C12orf56: variants seen among roughly 807,000 people sequenced by gnomAD.
C12orf56 encodes the protein uncharacterized protein C12orf56.
C12orf56 carries 71 observed loss-of-function variants against 69.9 expected under a neutral mutation model. The observed-to-expected ratio is 1.02, with a 90% CI of 0.84 to 1.24. The LOEUF (loss-of-function observed/expected upper bound fraction) is 1.24. Among genes scored for constraint, C12orf56 ranks in the 50% most tolerant of loss-of-function variants. The pLI, the probability that C12orf56 is intolerant of heterozygous loss-of-function variation, is 0.00. For synonymous variants in C12orf56, 276 were observed against 274.1 expected (o/e 1.01, Z -0.07); for missense variants, 732 against 738.5 (o/e 0.99, Z 0.10).
chr12:64,324,163 C>T (rs1234973356), intron 3 of C12orf56, among the ~76,000 whole-genome samples: 1 of 152,154 alleles, frequency 6.6e-6, no homozygotes, highest in African/African-American at 2.4e-5. Context: ...GCAAGCCAGG[C>T]TAGGTTGTAA....
intron 1 of C12orf56, among the ~76,000 whole-genome samples, chr12:64,363,071 A>C (rs2039419173): frequency 6.6e-6 from 1 of 152,124 alleles, no homozygotes; most frequent in Non-Finnish European, 1.5e-5. Context: ...TCATGCTGTG[A>C]CTTAGAATGC....
At chr12:64,295,794 A>G (rs2038357254) in intron 6 of C12orf56, among the ~76,000 whole-genome samples, 1 of 150,982 alleles carries the variant, frequency 6.6e-6, no homozygotes, top group Admixed American at 6.6e-5. Flanking sequence ...GAGGGAGAAA[A>G]CTATATATAA....
chr12:64,367,326 TA>T (rs2039509970), intron 1 of C12orf56, among the ~76,000 whole-genome samples: 1 of 137,340 alleles, frequency 7.3e-6, no homozygotes, highest in Non-Finnish European at 1.5e-5. Context: ...ATAGCTTATA[TA>T]ATATACAGTT....
At chr12:64,350,562 A>T (rs2039209055) in intron 2 of C12orf56, among the ~76,000 whole-genome samples, 1 of 152,218 alleles carries the variant, frequency 6.6e-6, no homozygotes, top group African/African-American at 2.4e-5. Flanking sequence ...CTGGCCTGAT[A>T]CATTGTCTAT....
intron 1 of C12orf56, among the ~76,000 whole-genome samples, chr12:64,384,758 T>G (rs1220368641): frequency 2.6e-5 from 4 of 152,086 alleles, no homozygotes; most frequent in Non-Finnish European, 5.9e-5. Context: ...GTTCTCACAC[T>G]TAAAAATGTA....
chr12:64,334,301 C>T (rs1217606493), intron 2 of C12orf56, among the ~76,000 whole-genome samples: 1 of 152,148 alleles, frequency 6.6e-6, no homozygotes, highest in African/African-American at 2.4e-5. Flanking sequence ...TGCCCCACAT[C>T]ATTGGTTTTA....
chr12:64,280,200 A>G (rs1256674683), intron 8 of C12orf56, among the ~76,000 whole-genome samples: 1 of 152,194 alleles, frequency 6.6e-6, no homozygotes, highest in African/African-American at 2.4e-5. Context: ...CCTTCTGCTA[A>G]TTCAATTTAA....
rs367975224 is a variant in C12orf56, at chr12:64,339,286, C to T, written c.416-8254G>A. Among the ~76,000 whole-genome samples, 32 of 152,270 alleles carry T rather than the reference C, an allele frequency of 2.1e-4. No homozygotes were observed. The East Asian group carries it at 5.2e-3, about 25-fold the overall frequency. On this transcript the variant is annotated intron_variant, in intron 2 of 12. Coordinates refer to ENST00000543942, the MANE Select transcript of C12orf56 (RefSeq NM_001170633.2). ...CTAAGAAGGTAGGGGAAAAGTCTTTCCTCCCCTTTACCACAAGCACCTCCT... is the reference window on the plus strand; with the variant it reads ...CTAAGAAGGTAGGGGAAAAGTCTTTTCTCCCCTTTACCACAAGCACCTCCT...
Position 64,277,077 on chromosome 12 carries a change from C to T in C12orf56, c.1434+603G>A, listed in dbSNP as rs954933626. 2.1e-4 allele frequency among the ~76,000 whole-genome samples: 30 copies of T among 140,822 alleles called. No individual in the cohort carries two copies. The Admixed American group carries it at 2.1e-3, about 10-fold the overall frequency. The allele number at this position is 140,822 out of a possible 152,430, so 92.4% of individuals were successfully genotyped here. On this transcript the variant is annotated intron_variant, in intron 9 of 12. Coordinates refer to ENST00000543942, the MANE Select transcript of C12orf56 (RefSeq NM_001170633.2). ...ATAATTCTGACCATATATTTAAGAACTATCAAATCATGTTTCATCCTTTAA... is the reference window on the plus strand; with the variant it reads ...ATAATTCTGACCATATATTTAAGAATTATCAAATCATGTTTCATCCTTTAA...
intron 1 of C12orf56, among the ~76,000 whole-genome samples, chr12:64,383,507 G>C (rs2039748989): frequency 1.3e-5 from 2 of 151,996 alleles, no homozygotes; most frequent in South Asian, 4.2e-4. Context: ...CCTCCGAGTA[G>C]CTGGGACTAC....
intron 2 of C12orf56, chr12:64,338,483 AC>A: frequency 1.1e-6 from 1 of 932,254 alleles, no homozygotes; most frequent in South Asian, 1.3e-5. Flanking sequence ...CCTGCAACAA[AC>A]AATCATTCAG....
intron 1 of C12orf56, among the ~76,000 whole-genome samples, chr12:64,366,218 TTATA>T (rs545513217): frequency 0.019 from 1,115 of 58,044 alleles, 39 homozygotes; most frequent in East Asian, 0.084. Flanking sequence ...AATATACAGT[TTATA>T]TATTATATAT....
At chr12:64,308,920 G>GAAA (rs574937938) in intron 5 of C12orf56, among the ~76,000 whole-genome samples, 16 of 52,778 alleles carry the variant, frequency 3.0e-4, no homozygotes, top group African/African-American at 1.0e-3. Context: ...AAGAAAGAAA[G>GAAA]AAAGAAAGAA....
intron 4 of C12orf56, among the ~76,000 whole-genome samples, chr12:64,317,765 G>C (rs1314254010): frequency 7.1e-6 from 1 of 140,676 alleles, no homozygotes; most frequent in Non-Finnish European, 1.6e-5. Flanking sequence ...CATCTCAAAA[G>C]AAAAAAAAAA....
chr12:64,378,714 C>T (rs1456835098), intron 1 of C12orf56, among the ~76,000 whole-genome samples: 1 of 152,056 alleles, frequency 6.6e-6, no homozygotes, highest in Non-Finnish European at 1.5e-5. Flanking sequence ...TGATTACAGG[C>T]GTGGGCCACC....
rs1271004689 is a variant in C12orf56 at position 64,301,634 on chromosome 12, T to TA, written c.1113+2000dup. On this transcript the variant is annotated intron_variant, in intron 6 of 12. Transcript: ENST00000543942. ...ATGAATGCATTTACATGTAGACATATAGCTTAGAAGGTATATAAGCTCTGG... is the reference window on the plus strand; with the variant it reads ...ATGAATGCATTTACATGTAGACATATAAGCTTAGAAGGTATATAAGCTCTGG... Among the ~76,000 whole-genome samples, 7 of 152,302 alleles carry TA rather than the reference T, an allele frequency of 4.6e-5. No homozygotes were observed. The East Asian group carries it at 1.3e-3, about 29-fold the overall frequency.
chr12:64,379,951 A>C (rs1254124300), intron 1 of C12orf56, among the ~76,000 whole-genome samples: 2 of 138,248 alleles, frequency 1.4e-5, no homozygotes, highest in Non-Finnish European at 3.2e-5. Context: ...AAAAAAAAAA[A>C]GTCTCCGGGC....
chr12:64,327,285 C>T (rs927610531), intron 3 of C12orf56, among the ~76,000 whole-genome samples: 1 of 151,996 alleles, frequency 6.6e-6, no homozygotes, highest in East Asian at 1.9e-4. Flanking sequence ...GAGGACAGCA[C>T]AGAGAAGGGA....
At chr12:64,364,653 T>C (rs1358604333) in intron 1 of C12orf56, among the ~76,000 whole-genome samples, 7 of 152,142 alleles carry the variant, frequency 4.6e-5, no homozygotes, top group African/African-American at 1.7e-4. Flanking sequence ...TGTACCTAGT[T>C]TCTCTTAGAT....
Sources: allele counts gnomAD v4.1 joint callset (sites outside exome capture counted in the v4.1 genomes callset), GRCh38; gene constraint gnomAD v4.1.1; transcripts MANE v1.5; gene names NCBI Gene and HGNC (gene_info 2026-07-23, HGNC 2026-07-21).